Variants in CNTNAP5 observed in about 807,000 individuals in gnomAD.
CNTNAP5 encodes contactin-associated protein-like 5.
CNTNAP5 carries 72 observed loss-of-function variants against 150.2 expected under a neutral mutation model. The observed-to-expected ratio is 0.48, with a 90% CI of 0.40 to 0.58. The LOEUF (loss-of-function observed/expected upper bound fraction) is 0.58, where lower values mean the gene tolerates loss of function less well. Among genes scored for constraint, CNTNAP5 ranks in the 20% least tolerant of loss-of-function variants. The pLI is 0.00. For missense variants in CNTNAP5, 1,636 were observed against 1,626.2 expected, an observed-to-expected ratio of 1.01 and a Z score of -0.10; for synonymous variants, 672 against 619.8, an observed-to-expected ratio of 1.08 and a Z score of -1.25.
intron 10 of CNTNAP5, among the ~76,000 whole-genome samples, chr2:124,545,748 T>G (rs1279493202): frequency 1.3e-5 from 2 of 152,026 alleles, no homozygotes; most frequent in Non-Finnish European, 2.9e-5. Context: ...ACTACAGATG[T>G]TAACCCAGGA....
chr2:124,681,835 T>G (rs899159498), intron 13 of CNTNAP5, among the ~76,000 whole-genome samples: 1 of 152,234 alleles, frequency 6.6e-6, no homozygotes, highest in African/African-American at 2.4e-5. Flanking sequence ...TTGCTGGGAT[T>G]GCAGGCATGA....
chr2:124,553,475 G>A (rs902284728), intron 10 of CNTNAP5, among the ~76,000 whole-genome samples: 63 of 143,690 alleles, frequency 4.4e-4, no homozygotes, highest in African/African-American at 1.5e-3. Flanking sequence ...CTGCACTCCA[G>A]CCTTGGTAGC....
Position 124,287,358 on chromosome 2 carries a change from T to C in CNTNAP5, c.381+44965T>C, listed in dbSNP as rs1468152856. ...GGGTGCTAACCAATGTAAATTAGGG[T>C]TGATAAAGGATTTGCAGCTCTTTGG... On this transcript the variant is annotated intron_variant, in intron 3 of 23. Coordinates refer to ENST00000682447, the MANE Select transcript of CNTNAP5 (RefSeq NM_001367498.1). Among the ~76,000 whole-genome samples the C allele has an allele frequency of 2.6e-5, 4 of 152,076 alleles. No individual in the cohort carries two copies. In the East Asian group the frequency reaches 5.8e-4, roughly 22 times the overall value.
At chr2:124,332,481 T>G in intron 3 of CNTNAP5, among the ~76,000 whole-genome samples, 1 of 151,424 alleles carries the variant, frequency 6.6e-6, no homozygotes, top group Non-Finnish European at 1.5e-5. Flanking sequence ...GAATAGTACA[T>G]ATTTACTAAC....
In CNTNAP5 at chr2:124,919,547, G is replaced by A. The variant is rs1250495954; in HGVS notation, c.*5259G>A. Among the ~76,000 whole-genome samples, 1 of 152,046 alleles carries A rather than the reference G, an allele frequency of 6.6e-6. No individual in the cohort carries two copies. Among genetic ancestry groups the A allele is most frequent in the East Asian group, 1.9e-4 (1 of 5,154 alleles). On this transcript the variant is annotated 3_prime_UTR_variant, in exon 24 of 24. Coordinates refer to ENST00000682447, the MANE Select transcript of CNTNAP5 (RefSeq NM_001367498.1). ...GCAGTAATTGGTGGCCATCTGAGGT[G>A]AGGAAGGAAATTGCTTCCACCATGA...
intron 12 of CNTNAP5, among the ~76,000 whole-genome samples, chr2:124,641,369 A>C (rs1400381208): frequency 6.6e-6 from 1 of 152,102 alleles, no homozygotes; most frequent in East Asian, 1.9e-4. Flanking sequence ...GACAAAGCTC[A>C]AGCTTCCCCT....
chr2:124,789,186 C>A (rs921149511), intron 17 of CNTNAP5, among the ~76,000 whole-genome samples: 14 of 152,144 alleles, frequency 9.2e-5, no homozygotes, highest in Non-Finnish European at 1.8e-4. Flanking sequence ...TCTAACTTTG[C>A]CAGAAAGGAC....
intron 22 of CNTNAP5, among the ~76,000 whole-genome samples, chr2:124,903,405 T>C (rs1678455723): frequency 6.6e-6 from 1 of 152,150 alleles, no homozygotes; most frequent in Non-Finnish European, 1.5e-5. Flanking sequence ...ACTGTTGAAG[T>C]GGATACTGCT....
intron 7 of CNTNAP5, among the ~76,000 whole-genome samples, chr2:124,487,891 A>G (rs1693926494): frequency 1.3e-5 from 2 of 152,106 alleles, no homozygotes; most frequent in Non-Finnish European, 2.9e-5. Flanking sequence ...TTGTGACCCA[A>G]AGATTTTTGC....
chr2:124,863,360 G>T (rs542447050), intron 19 of CNTNAP5, among the ~76,000 whole-genome samples: 1 of 152,072 alleles, frequency 6.6e-6, no homozygotes, highest in African/African-American at 2.4e-5. Context: ...CCCGTGATCT[G>T]CACAGTGACT....
intron 3 of CNTNAP5, among the ~76,000 whole-genome samples, chr2:124,368,384 G>A (rs980164477): frequency 4.6e-5 from 7 of 152,114 alleles, no homozygotes; most frequent in African/African-American, 1.4e-4. Flanking sequence ...ATTCAGATGT[G>A]CTGCTCGGAA....
At chr2:124,434,067 T>C (rs1692461438) in intron 4 of CNTNAP5, among the ~76,000 whole-genome samples, 1 of 152,168 alleles carries the variant, frequency 6.6e-6, no homozygotes, top group Admixed American at 6.5e-5. Flanking sequence ...CATAATTATA[T>C]CTATTTTTCA....
At chr2:124,153,141 T>A (rs926206366) in intron 1 of CNTNAP5, among the ~76,000 whole-genome samples, 31 of 152,276 alleles carry the variant, frequency 2.0e-4, no homozygotes, top group African/African-American at 7.5e-4. Context: ...ATAATTCACA[T>A]CACTCACTGA....
At chr2:124,076,160 A>G (rs1558746755) in intron 1 of CNTNAP5, among the ~76,000 whole-genome samples, 2 of 152,232 alleles carry the variant, frequency 1.3e-5, no homozygotes, top group East Asian at 3.9e-4. Context: ...GCTTAACTTC[A>G]CATTGTTTGG....
At chr2:124,661,925 A>G (rs1267583345) in intron 13 of CNTNAP5, among the ~76,000 whole-genome samples, 1 of 152,130 alleles carries the variant, frequency 6.6e-6, no homozygotes, top group African/African-American at 2.4e-5. Context: ...GCAGGTATAC[A>G]TGTGCCATGG....
At chr2:124,567,668 G>T (rs1212100810) in intron 11 of CNTNAP5, among the ~76,000 whole-genome samples, 2 of 152,170 alleles carry the variant, frequency 1.3e-5, no homozygotes, top group Non-Finnish European at 2.9e-5. Flanking sequence ...AGATACCATG[G>T]TTATTAGTGG....
Position 124,865,450 on chromosome 2 carries a change from T to A in CNTNAP5, c.3348+14T>A, listed in dbSNP as rs1677612241. 6.4e-7 allele frequency: 1 copy of A among 1,550,904 alleles called. No individual in the cohort carries two copies. Among genetic ancestry groups the A allele is most frequent in the East Asian group, 2.4e-5 (1 of 40,894 alleles). On this transcript the variant is annotated intron_variant, in intron 20 of 23. Coordinates refer to ENST00000682447, the MANE Select transcript of CNTNAP5 (RefSeq NM_001367498.1). ...CTTACCATTCAGGTACCTTCCTTAC[T>A]TTCTCCTGCTTCAGCCAATGTGCCT... is the stretch of plus-strand genomic sequence containing the variant.
chr2:124,573,963 CTA>C (rs1305164798), intron 11 of CNTNAP5, among the ~76,000 whole-genome samples: 6 of 152,286 alleles, frequency 3.9e-5, no homozygotes, highest in African/African-American at 1.2e-4. Flanking sequence ...TAAATGGTAT[CTA>C]TTACATATAT....
chr2:124,027,673 A>G (rs189620018), intron 1 of CNTNAP5, among the ~76,000 whole-genome samples: 33 of 152,372 alleles, frequency 2.2e-4, no homozygotes, highest in African/African-American at 7.9e-4. Flanking sequence ...AACATTTAAA[A>G]TGAAACTTTG....
Sources: allele counts gnomAD v4.1 joint callset (sites outside exome capture counted in the v4.1 genomes callset), GRCh38; gene constraint gnomAD v4.1.1; transcripts MANE v1.5; gene names NCBI Gene and HGNC (gene_info 2026-07-23, HGNC 2026-07-21).